The following SIPA1L3 variants were observed in gnomAD, a reference collection of about 807,000 sequenced individuals.
SIPA1L3 encodes signal induced proliferation associated 1 like 3.
A neutral mutation model predicts 150.1 loss-of-function variants in SIPA1L3; 59 were observed. That is an observed-to-expected ratio of 0.39 (90% CI 0.32 to 0.49). The LOEUF is 0.49. SIPA1L3 is among the 20% of genes least tolerant of loss of function. The probability of loss-of-function intolerance (pLI) is 0.86; values close to 1 mark genes in which losing one functional copy is unlikely to be tolerated. For missense variants in SIPA1L3, 2,211 were observed against 2,489.5 expected, an observed-to-expected ratio of 0.89 and a Z score of 2.38; for synonymous variants, 1,070 against 1,077.6, an observed-to-expected ratio of 0.99 and a Z score of 0.14.
chr19:38,111,825 T>A (rs1002057963), intron 8 of SIPA1L3, among the ~76,000 whole-genome samples: 1 of 152,232 alleles, frequency 6.6e-6, no homozygotes, highest in Non-Finnish European at 1.5e-5. Context: ...CAGGCCCTTT[T>A]TGGGGTTGAG....
intron 8 of SIPA1L3, among the ~76,000 whole-genome samples, chr19:38,112,526 CA>C (rs1970788251): frequency 6.6e-6 from 1 of 152,182 alleles, no homozygotes; most frequent in Admixed American, 6.5e-5. Context: ...CTCTCACACA[CA>C]AACCTTTCTT....
At chr19:38,015,667 T>A (rs976534780) in intron 1 of SIPA1L3, among the ~76,000 whole-genome samples, 24 of 140,016 alleles carry the variant, frequency 1.7e-4, no homozygotes, top group Non-Finnish European at 3.0e-4. Context: ...AAGGTTGCAG[T>A]GAGCTGTGAT....
At chr19:37,942,367 C>T (rs1454702232) in intron 1 of SIPA1L3, among the ~76,000 whole-genome samples, 2 of 151,792 alleles carry the variant, frequency 1.3e-5, no homozygotes, top group Non-Finnish European at 2.9e-5. Context: ...GGGGGAGAGC[C>T]TCCTCGGGGT....
At chr19:38,155,951 C>T (rs1357355847) in intron 13 of SIPA1L3, among the ~76,000 whole-genome samples, 3 of 151,958 alleles carry the variant, frequency 2.0e-5, no homozygotes, top group Non-Finnish European at 2.9e-5. Flanking sequence ...CGTGATGGTG[C>T]ATGCCTATAA....
Position 38,130,678 on chromosome 19 carries a change from A to G in SIPA1L3, c.3049A>G (p.Thr1017Ala). 2 of 1,613,710 alleles carry G rather than the reference A, an allele frequency of 1.2e-6. No individual in the cohort carries two copies. The highest frequency in any genetic ancestry group is 1.1e-5 in the South Asian group (1 of 91,062). The change falls in exon 10 of 22, where the codon ACA (threonine) becomes GCA (alanine). Residue 1017 changes from threonine to alanine, a missense_variant. By Grantham distance (58) the Thr-to-Ala change is moderately conservative (BLOSUM62 0). Around this residue, in one of 5 missense-constraint regions of SIPA1L3, gnomAD observed 625 missense variants for 804.2 expected, o/e 0.78. Coordinates refer to ENST00000222345, the MANE Select transcript of SIPA1L3 (RefSeq NM_015073.3). ...GGAGATCTGCAAGGTGGCCGTGGTC[A>G]CACTGACCCACGACCAGATGATCGA... ...LVEICKVAVV[T>A]LTHDQMIDLL...
At chr19:38,001,310 C>T (rs926671787) in intron 1 of SIPA1L3, among the ~76,000 whole-genome samples, 9 of 152,032 alleles carry the variant, frequency 5.9e-5, no homozygotes, top group Admixed American at 1.3e-4. Context: ...TCCATTCTTC[C>T]GCCTGCCCAG....
At chr19:38,156,999 C>CA (rs1268163384) in intron 13 of SIPA1L3, among the ~76,000 whole-genome samples, 3 of 150,972 alleles carry the variant, frequency 2.0e-5, no homozygotes, top group African/African-American at 7.3e-5. Flanking sequence ...TCTGCCTCTA[C>CA]AAAAAATAAA....
intron 19 of SIPA1L3, chr19:38,199,834 A>G (rs1600208011): frequency 7.0e-6 from 1 of 142,740 alleles, no homozygotes. Context: ...ATGTGTTCAT[A>G]GCATAGTAAT....
rs1046741612 is a variant in SIPA1L3 at position 38,083,070 on chromosome 19, G to A, written c.1505G>A (p.Arg502His). 4 of 1,611,550 alleles carry A rather than the reference G, an allele frequency of 2.5e-6. No individual in the cohort carries two copies. The highest frequency in any genetic ancestry group is 2.2e-5 in the East Asian group (1 of 44,888). The change falls in exon 3 of 22, where the codon CGC (arginine) becomes CAC (histidine). Residue 502 changes from arginine to histidine, a missense_variant. Coordinates refer to ENST00000222345, the MANE Select transcript of SIPA1L3 (RefSeq NM_015073.3). ...YSIEHVDLGA[R>H]YYQDYFVGKE... is the part of the protein sequence containing the mutation. ...ATCGAGCATGTGGACCTGGGCGCCC[G>A]CTACTACCAGGATTACTTCGTGGGC...
At chr19:38,054,960 G>A (rs1196988408) in intron 2 of SIPA1L3, among the ~76,000 whole-genome samples, 5 of 152,218 alleles carry the variant, frequency 3.3e-5, no homozygotes, top group Non-Finnish European at 7.3e-5. Flanking sequence ...ACAAGTAAAC[G>A]ACTGAATAGA....
intron 6 of SIPA1L3, among the ~76,000 whole-genome samples, chr19:38,105,667 G>T (rs1262811409): frequency 1.3e-5 from 2 of 152,306 alleles, no homozygotes; most frequent in Admixed American, 6.5e-5. Context: ...ACATGAATGG[G>T]ATCACACTGT....
At chr19:37,972,265 A>T in intron 1 of SIPA1L3, among the ~76,000 whole-genome samples, 1 of 151,714 alleles carries the variant, frequency 6.6e-6, no homozygotes, top group East Asian at 1.9e-4. Context: ...AAAATGTAGG[A>T]TGACAAAGGA....
intron 10 of SIPA1L3, among the ~76,000 whole-genome samples, chr19:38,133,270 C>T (rs892270039): frequency 6.6e-6 from 1 of 152,218 alleles, no homozygotes; most frequent in Non-Finnish European, 1.5e-5. Flanking sequence ...GTTTCACAGC[C>T]CAGCAGCCAC....
intron 8 of SIPA1L3, among the ~76,000 whole-genome samples, chr19:38,114,790 T>C (rs1970844610): frequency 1.3e-5 from 2 of 152,240 alleles, no homozygotes; most frequent in Non-Finnish European, 2.9e-5. Context: ...TCCTGGGGCA[T>C]GAAGGATCAC....
Position 38,133,178 on chromosome 19 carries a change from C to T in SIPA1L3, c.3143+2406C>T, listed in dbSNP as rs1203058277. ...TGTGAGAAGGCACTGCGTGCCTGGT[C>T]TCCCCCTGCAAGTGACACTAGGGGC... On this transcript the variant is annotated intron_variant, in intron 10 of 21. Transcript: ENST00000222345. Among the ~76,000 whole-genome samples the T allele has an allele frequency of 2.0e-5, 3 of 152,294 alleles. No individual in the cohort carries two copies. In the East Asian group the frequency reaches 5.8e-4, roughly 30 times the overall value.
chr19:38,200,303 C>G (rs1350809961), intron 19 of SIPA1L3: 2 of 152,124 alleles, frequency 1.3e-5, no homozygotes, highest in African/African-American at 2.4e-5. Context: ...TCGCTGGAGC[C>G]CAGTAGTTCT....
At chr19:38,177,935 A>G (rs1346206396) in intron 15 of SIPA1L3, among the ~76,000 whole-genome samples, 1 of 152,130 alleles carries the variant, frequency 6.6e-6, no homozygotes, top group Admixed American at 6.6e-5. Context: ...CTGAGGCACA[A>G]GAATCGCTTG....
chr19:38,062,437 G>C (rs902898665), intron 2 of SIPA1L3, among the ~76,000 whole-genome samples: 6 of 152,164 alleles, frequency 3.9e-5, no homozygotes, highest in Non-Finnish European at 7.3e-5. Flanking sequence ...AAAGTGGGGA[G>C]AACAGTAGGG....
rs200441231 is a variant in SIPA1L3 at position 37,944,974 on chromosome 19, C to T, written c.-379+37616C>T. On this transcript the variant is annotated intron_variant, in intron 1 of 21. Transcript: ENST00000222345. ...TCATAAATAAATAAATAAATAAATG[C>T]ATTCAATACACCTCACCTTTCAAAC... is the stretch of plus-strand genomic sequence containing the variant. Among the ~76,000 whole-genome samples, 13 of 152,096 alleles carry T rather than the reference C, an allele frequency of 8.5e-5. No homozygotes were observed. In the East Asian group the frequency reaches 2.5e-3, roughly 29 times the overall value.
Sources: gnomAD v4.1 joint callset for allele counts (sites outside exome capture counted in the v4.1 genomes callset) on GRCh38, gnomAD v4.1.1 for gene constraint, gnomAD v4.1.1 regional missense constraint, MANE v1.5 for transcripts, NCBI Gene and HGNC (gene_info 2026-07-23, HGNC 2026-07-21) for gene names.